The following CACNA2D4 variants were observed in gnomAD, a reference collection of about 807,000 sequenced individuals.
CACNA2D4 encodes the protein voltage-dependent calcium channel subunit alpha-2/delta-4.
Under a neutral mutation model 163.8 loss-of-function variants are expected in CACNA2D4, and 157 were observed. The ratio of observed to expected loss-of-function variants is 0.96; its 90% confidence interval spans 0.84 to 1.09. The LOEUF is 1.09. Among genes scored for constraint, CACNA2D4 ranks in the 50% least tolerant of loss-of-function variants. CACNA2D4 has a pLI of 0.00. For synonymous variants in CACNA2D4, 598 were observed against 586.9 expected, an observed-to-expected ratio of 1.02 and a Z score of -0.27; for missense variants, 1,410 against 1,479.9, an observed-to-expected ratio of 0.95 and a Z score of 0.78.
rs1039592759 is a variant in CACNA2D4 at position 1,828,343 on chromosome 12, G to A, written c.2551+12396C>T. ...GGAGGCCTACGCCAGATCTTCCTGG[G>A]GTACCCGAGGCTATGTTCTGGGAAG... On this transcript the variant is annotated intron_variant, in intron 26 of 37. Coordinates refer to ENST00000382722, the MANE Select transcript of CACNA2D4 (RefSeq NM_172364.5). The surrounding 1 kb of genome is among the most constrained non-coding windows in gnomAD (Gnocchi z 4.2). 4 of 823,270 alleles carry A rather than the reference G, an allele frequency of 4.9e-6. No homozygotes were observed. The highest frequency in any genetic ancestry group is 7.2e-6 in the Non-Finnish European group (4 of 557,498). The allele number at this position is 823,270 out of a possible 1,614,324, so 51.0% of individuals were successfully genotyped here.
intron 29 of CACNA2D4, chr12:1,809,642 T>C (rs1255867049): frequency 1.5e-6 from 1 of 688,560 alleles, no homozygotes; most frequent in Non-Finnish European, 2.6e-6. Context: ...TTTCTCTTTT[T>C]CCTTTCTGAG....
At chr12:1,807,306 C>T (rs567809464) in intron 29 of CACNA2D4, among the ~76,000 whole-genome samples, 1 of 151,554 alleles carries the variant, frequency 6.6e-6, no homozygotes, top group African/African-American at 2.4e-5. Flanking sequence ...AGATCCTTCT[C>T]CAGTCAAGCC....
chr12:1,842,430 C>A (rs776249137), intron 25 of CACNA2D4, among the ~76,000 whole-genome samples: 1 of 152,174 alleles, frequency 6.6e-6, no homozygotes, highest in Admixed American at 6.5e-5. Flanking sequence ...CCTTGAAACG[C>A]GGTTGTTTTC....
At chr12:1,863,328 G>A (rs978938976) in intron 18 of CACNA2D4, among the ~76,000 whole-genome samples, 2 of 152,156 alleles carry the variant, frequency 1.3e-5, no homozygotes, top group Non-Finnish European at 1.5e-5. Flanking sequence ...GGTTATTGTA[G>A]CTTTATAGTA....
chr12:1,841,071 G>A (rs1333920839), intron 25 of CACNA2D4, among the ~76,000 whole-genome samples: 3 of 152,242 alleles, frequency 2.0e-5, no homozygotes, highest in East Asian at 1.9e-4. Context: ...GTGGCCCCAC[G>A]ACACTGGGGT....
intron 26 of CACNA2D4, among the ~76,000 whole-genome samples, chr12:1,826,104 G>A (rs990217048): frequency 6.6e-6 from 1 of 152,062 alleles, no homozygotes; most frequent in Non-Finnish European, 1.5e-5. Context: ...TGGTGGGATC[G>A]GGAAAGAAAG....
chr12:1,800,942 A>G, intron 31 of CACNA2D4, 101 bp downstream of exon 31: 1 of 1,084,922 alleles, frequency 9.2e-7, no homozygotes, highest in Non-Finnish European at 1.4e-6. Context: ...CTGGGGCCAG[A>G]CACCCAAGGT....
intron 6 of CACNA2D4, among the ~76,000 whole-genome samples, chr12:1,901,131 T>C (rs546613107): frequency 2.8e-4 from 43 of 152,162 alleles, no homozygotes; most frequent in African/African-American, 9.9e-4. Flanking sequence ...AAGAAGGAAA[T>C]TGAAAAATTT....
intron 2 of CACNA2D4, among the ~76,000 whole-genome samples, chr12:1,914,432 T>C (rs187712431): frequency 1.8e-4 from 27 of 152,258 alleles, no homozygotes; most frequent in Admixed American, 1.7e-3. Flanking sequence ...GAGGTCTCCC[T>C]GCGCAGAGGC....
In CACNA2D4 at chr12:1,874,456, G is replaced by T. The variant is rs987485779; in HGVS notation, c.1878+148C>A. On this transcript the variant is annotated intron_variant, in intron 18 of 37. Transcript: ENST00000382722. This position sits in a 1 kb window ranked among gnomAD's most constrained non-coding sequence, Gnocchi z 4.4. ...TTTCTCCAGGGCCAATGCACCCTGC[G>T]TATACTCCCTAATGGACCCTCTAGG... The T allele has an allele frequency of 3.2e-6, 2 of 618,716 alleles. No individual in the cohort carries two copies. Among genetic ancestry groups the T allele is most frequent in the Middle Eastern group, 3.5e-4 (1 of 2,892 alleles). 38.3% of individuals were successfully genotyped at this position (618,716 alleles called of 1,614,324 possible).
intron 22 of CACNA2D4, among the ~76,000 whole-genome samples, chr12:1,855,317 T>C (rs1865375673): frequency 6.6e-6 from 1 of 152,106 alleles, no homozygotes; most frequent in South Asian, 2.1e-4. Context: ...CCCTGTTGGG[T>C]TGGCATGGGA....
chr12:1,884,403 TG>T lies in CACNA2D4; in HGVS notation c.1273-83del, dbSNP rs532963773. The T allele has an allele frequency of 7.2e-5, 84 of 1,160,574 alleles. No individual in the cohort carries two copies. In the African/African-American group the frequency reaches 9.6e-4, roughly 13 times the overall value. The allele number at this position is 1,160,574 out of a possible 1,614,324, so 71.9% of individuals were successfully genotyped here. A position where few individuals can be genotyped will look rare whatever the true frequency, so the allele number is the denominator to read the frequency against. ...TAACATTGTTTATATGAGTCTTAGATGTTGGCCCCAGTGCCTCTCAGTCTTC... is the reference window on the plus strand; with the variant it reads ...TAACATTGTTTATATGAGTCTTAGATTTGGCCCCAGTGCCTCTCAGTCTTC... On this transcript the variant is annotated intron_variant, in intron 11 of 37. Transcript: ENST00000382722.
chr12:1,806,150 T>C lies in CACNA2D4; in HGVS notation c.2721+4128A>G, dbSNP rs1312346343. Among the ~76,000 whole-genome samples the C allele has an allele frequency of 1.3e-5, 2 of 152,130 alleles. No individual in the cohort carries two copies. The highest frequency in any genetic ancestry group is 2.9e-5 in the Non-Finnish European group (2 of 68,014). ...GCCCCTTGAAGATCCACTTTGAAGCTTCCATGGGTGGGTGCCGCCCAGAAG... is the reference window on the plus strand; with the variant it reads ...GCCCCTTGAAGATCCACTTTGAAGCCTCCATGGGTGGGTGCCGCCCAGAAG... On this transcript the variant is annotated intron_variant, in intron 29 of 37. Transcript: ENST00000382722. This position sits in a 1 kb window ranked among gnomAD's most constrained non-coding sequence, Gnocchi z 4.1.
chr12:1,797,534 G>A lies in CACNA2D4; in HGVS notation c.2997C>T (p.Ser999=). ...GAEAKSVFHH[S]HKHKKQDPLQ... Reference sequence around the variant, plus strand: ...GCGGGTCCTGCTTCTTGTGTTTGTGGGCTGCGGGCGGAGAAAGGACATCAC... The same window carrying A: ...GCGGGTCCTGCTTCTTGTGTTTGTGAGCTGCGGGCGGAGAAAGGACATCAC... Residue 999 remains serine, a splice_region_variant and synonymous_variant, in exon 35 of 38, where the codon TCC becomes TCT. Coordinates refer to ENST00000382722, the MANE Select transcript of CACNA2D4 (RefSeq NM_172364.5). The A allele has an allele frequency of 5.1e-6, 8 of 1,557,542 alleles. No individual in the cohort carries two copies. The highest frequency in any genetic ancestry group is 6.9e-6 in the Non-Finnish European group (8 of 1,151,932).
Position 1,884,314 on chromosome 12 carries a change from A to T in CACNA2D4, c.1280T>A (p.Val427Asp). 1 of 1,612,116 alleles carries T rather than the reference A, an allele frequency of 6.2e-7. No homozygotes were observed. The highest frequency in any genetic ancestry group is 2.2e-5 in the East Asian group (1 of 44,880). The change falls in exon 12 of 38, where the codon GTT becomes GAT. Residue 427 changes from valine (V) to aspartate (D), a missense_variant. Val to Asp is a radical substitution (Grantham distance 152, BLOSUM62 -3). Transcript: ENST00000382722. ...KYNWPDCKVR[V>D]FTYLIGREVS... ...TTCTCTCCCAATGAGGTAAGTGAAA[A>T]CTCGGACCTAACCCACAAGACACAG... is the stretch of plus-strand genomic sequence containing the variant.
intron 26 of CACNA2D4, among the ~76,000 whole-genome samples, chr12:1,814,657 C>T (rs1863818528): frequency 6.6e-6 from 1 of 152,214 alleles, no homozygotes; most frequent in African/African-American, 2.4e-5. Context: ...CGTCTGCACA[C>T]CTCAGTTCCA....
rs146950623 is a variant in CACNA2D4, at chr12:1,798,249, G to A, written c.2996-714C>T. Reference sequence around the variant, plus strand: ...TTCCCTCCCGGAGCCTCCTGAGGTGGGCACATGGCAGAGCAGGGCCCTGCC... The same window carrying A: ...TTCCCTCCCGGAGCCTCCTGAGGTGAGCACATGGCAGAGCAGGGCCCTGCC... On this transcript the variant is annotated intron_variant, in intron 34 of 37. Transcript: ENST00000382722. The surrounding 1 kb of genome is among the most constrained non-coding windows in gnomAD (Gnocchi z 4.3). 0.014 allele frequency among the ~76,000 whole-genome samples: 2,190 copies of A among 152,290 alleles called. 47 individuals carry two copies. Among genetic ancestry groups the A allele is most frequent in the African/African-American group, 0.051 (2,116 of 41,550 alleles).
At chr12:1,914,225 G>A (rs1866904316) in intron 2 of CACNA2D4, among the ~76,000 whole-genome samples, 1 of 152,206 alleles carries the variant, frequency 6.6e-6, no homozygotes, top group Admixed American at 6.5e-5. Flanking sequence ...TGACAATGAA[G>A]CTCTTAGTGA....
intron 32 of CACNA2D4, 41 bp downstream of exon 32, chr12:1,800,345 G>T (rs373350775): frequency 3.7e-6 from 6 of 1,603,998 alleles, no homozygotes; most frequent in Admixed American, 1.7e-5. Context: ...AGCCACCCTC[G>T]CATGCAGCCC....
Sources: allele counts gnomAD v4.1 joint callset (sites outside exome capture counted in the v4.1 genomes callset), GRCh38; gene constraint gnomAD v4.1.1; non-coding constraint Gnocchi (gnomAD v3.1); transcripts MANE v1.5; gene names NCBI Gene and HGNC (gene_info 2026-07-23, HGNC 2026-07-21).